KCNC2: variants seen among roughly 807,000 people sequenced by gnomAD.
The protein encoded by KCNC2 is voltage-gated potassium channel KCNC2.
In KCNC2, 21 loss-of-function variants were observed where a neutral mutation model predicts 44.5. The observed-to-expected ratio is 0.47, with a 90% CI of 0.33 to 0.68. The LOEUF (loss-of-function observed/expected upper bound fraction) is 0.68. Ranked by LOEUF, KCNC2 falls within the 30% of genes least tolerant of loss-of-function variation. The pLI, the probability that KCNC2 is intolerant of heterozygous loss-of-function variation, is 0.01. For missense variants in KCNC2, 589 were observed against 826.2 expected, an observed-to-expected ratio of 0.71 and a Z score of 3.52; for synonymous variants, 391 against 339.1, an observed-to-expected ratio of 1.15 and a Z score of -1.68.
At chr12:75,151,992 T>C (rs1002601048) in intron 2 of KCNC2, among the ~76,000 whole-genome samples, 3 of 142,674 alleles carry the variant, frequency 2.1e-5, no homozygotes, top group Non-Finnish European at 3.0e-5. Context: ...ATATATTATA[T>C]ATATTACATA....
At chr12:75,142,863 C>T (rs74110429) in intron 2 of KCNC2, among the ~76,000 whole-genome samples, 4,888 of 152,240 alleles carry the variant, frequency 0.032, 266 homozygotes, top group African/African-American at 0.11. Context: ...GCCACAAGTC[C>T]GCCTGCTGAT....
intron 2 of KCNC2, among the ~76,000 whole-genome samples, chr12:75,203,024 T>C (rs2031412256): frequency 6.6e-6 from 1 of 151,778 alleles, no homozygotes; most frequent in African/African-American, 2.4e-5. Context: ...TAAATGTGCT[T>C]TCTAAAATTT....
intron 2 of KCNC2, among the ~76,000 whole-genome samples, chr12:75,130,796 AC>A (rs544946654): frequency 5.7e-4 from 86 of 151,546 alleles, no homozygotes; most frequent in African/African-American, 1.9e-3. Flanking sequence ...AAAAAAAAAA[AC>A]AATGCACATG....
intron 2 of KCNC2, among the ~76,000 whole-genome samples, chr12:75,202,028 G>C (rs1456165013): frequency 6.6e-6 from 1 of 151,906 alleles, no homozygotes; most frequent in Non-Finnish European, 1.5e-5. Context: ...ATTTGTCATA[G>C]TAAAAATTGA....
chr12:75,076,034 TACATACACAC>T (rs1565832796), intron 2 of KCNC2, among the ~76,000 whole-genome samples: 1 of 101,048 alleles, frequency 9.9e-6, no homozygotes, highest in Non-Finnish European at 2.0e-5. Context: ...TTATTAATGT[TACATACACAC>T]ACACACACAC....
chr12:75,100,731 T>C (rs1335370488), intron 2 of KCNC2, among the ~76,000 whole-genome samples: 1 of 152,078 alleles, frequency 6.6e-6, no homozygotes, highest in Non-Finnish European at 1.5e-5. Context: ...ACTCATCCTG[T>C]ATATTGTCAA....
chr12:75,173,126 T>A (rs1035133334), intron 2 of KCNC2, among the ~76,000 whole-genome samples: 1 of 151,936 alleles, frequency 6.6e-6, no homozygotes, highest in Admixed American at 6.6e-5. Flanking sequence ...ATGAAATTAT[T>A]TACTAGTTCT....
chr12:75,091,482 C>G (rs1238316881), intron 2 of KCNC2, among the ~76,000 whole-genome samples: 1 of 151,590 alleles, frequency 6.6e-6, no homozygotes, highest in Non-Finnish European at 1.5e-5. Context: ...TTTTGAGAAG[C>G]AATAAAATAA....
At position 75,126,971 on chromosome 12, in the gene KCNC2, G is replaced by A. The variant is rs375024165; in HGVS notation, c.688-75654C>T. Among the ~76,000 whole-genome samples, 7 of 152,182 alleles carry A rather than the reference G, an allele frequency of 4.6e-5. 1 individual carries two copies. The South Asian group carries it at 1.2e-3, about 27-fold the overall frequency. On this transcript the variant is annotated intron_variant, in intron 2 of 4. Coordinates refer to ENST00000549446, the MANE Select transcript of KCNC2 (RefSeq NM_139137.4). ...TTACGTATAATAATCGAAAAGCTTC[G>A]AGCTTTCCATCATGCCTACTAAAAC...
At chr12:75,130,225 C>T (rs942616788) in intron 2 of KCNC2, among the ~76,000 whole-genome samples, 4 of 152,160 alleles carry the variant, frequency 2.6e-5, no homozygotes, top group African/African-American at 9.7e-5. Flanking sequence ...CACACACGTA[C>T]ATATACACAC....
At chr12:75,162,547 G>T (rs1429971775) in intron 2 of KCNC2, among the ~76,000 whole-genome samples, 2 of 151,706 alleles carry the variant, frequency 1.3e-5, no homozygotes, top group East Asian at 1.9e-4. Context: ...CAGAGGCTGT[G>T]TCTTGGTATT....
At position 75,041,781 on chromosome 12, in the gene KCNC2, G is replaced by A. The variant is rs1044883962; in HGVS notation, c.*1324C>T. On this transcript the variant is annotated 3_prime_UTR_variant, in exon 5 of 5. Coordinates refer to ENST00000549446, the MANE Select transcript of KCNC2 (RefSeq NM_139137.4). ...GCTTATCAAAAAGATTCACAGTGCC[G>A]ATTAACTTAGGTAGTCTACAGAGCA... is the stretch of plus-strand genomic sequence containing the variant. 1.5e-5 allele frequency: 15 copies of A among 990,902 alleles called. No individual in the cohort carries two copies. Among genetic ancestry groups the A allele is most frequent in the South Asian group, 9.1e-5 (2 of 21,886 alleles). The allele number at this position is 990,902 out of a possible 1,614,324, so 61.4% of individuals were successfully genotyped here.
intron 2 of KCNC2, among the ~76,000 whole-genome samples, chr12:75,110,141 C>T (rs1044519921): frequency 3.3e-5 from 5 of 152,034 alleles, no homozygotes; most frequent in South Asian, 2.1e-4. Context: ...ATAGACAAAA[C>T]GTTTTCTAAA....
chr12:75,179,398 T>C (rs1278826916), intron 2 of KCNC2, among the ~76,000 whole-genome samples: 1 of 151,940 alleles, frequency 6.6e-6, no homozygotes, highest in Non-Finnish European at 1.5e-5. Context: ...GAAAGAAGTA[T>C]GCCTTAAATC....
rs200612323 is a variant in KCNC2, at chr12:75,041,246, C to T, written c.*1859G>A. 1 of 1,590,102 alleles carries T rather than the reference C, an allele frequency of 6.3e-7. No homozygotes were observed. The highest frequency in any genetic ancestry group is 1.1e-5 in the South Asian group (1 of 90,382). On this transcript the variant is annotated 3_prime_UTR_variant, in exon 5 of 5. Coordinates refer to ENST00000549446, the MANE Select transcript of KCNC2 (RefSeq NM_139137.4). ...AGCAGCACCAGACAGCATATTAATTCTTTTACCATAAATTTGTGTGTAATT... is the reference window on the plus strand; with the variant it reads ...AGCAGCACCAGACAGCATATTAATTTTTTTACCATAAATTTGTGTGTAATT...
intron 2 of KCNC2, among the ~76,000 whole-genome samples, chr12:75,084,290 T>TAGATGATC (rs200893949): frequency 8.1e-6 from 1 of 123,656 alleles, no homozygotes; most frequent in Non-Finnish European, 1.6e-5. Context: ...GATAGATAGA[T>TAGATGATC]GATAGATAGA....
intron 2 of KCNC2, among the ~76,000 whole-genome samples, chr12:75,140,562 G>A (rs149471258): frequency 6.6e-6 from 1 of 152,000 alleles, no homozygotes; most frequent in Admixed American, 6.6e-5. Context: ...AAATTTGATT[G>A]ATTTAAATTT....
intron 2 of KCNC2, among the ~76,000 whole-genome samples, chr12:75,107,874 T>C (rs766794486): frequency 6.6e-5 from 10 of 152,188 alleles, no homozygotes; most frequent in Non-Finnish European, 1.3e-4. Flanking sequence ...TCTTACTTTC[T>C]GAAAGTAGCA....
chr12:75,147,993 C>A (rs555433590), intron 2 of KCNC2, among the ~76,000 whole-genome samples: 9 of 152,122 alleles, frequency 5.9e-5, no homozygotes, highest in African/African-American at 2.2e-4. Flanking sequence ...CTAAAATTAG[C>A]AAAATTTTAT....
Sources: gnomAD v4.1 joint callset for allele counts (sites outside exome capture counted in the v4.1 genomes callset) on GRCh38, gnomAD v4.1.1 for gene constraint, MANE v1.5 for transcripts, NCBI Gene and HGNC (gene_info 2026-07-23, HGNC 2026-07-21) for gene names.